Variants in ZNF232 observed in about 807,000 individuals in gnomAD.
The protein encoded by ZNF232 is zinc finger protein 232, also known as zinc finger and SCAN domain-containing protein 11.
A neutral mutation model predicts 25.2 loss-of-function variants in ZNF232; 25 were observed. The observed-to-expected ratio is 0.99, with a 90% CI of 0.72 to 1.39. The LOEUF is 1.39. Ranked by LOEUF, ZNF232 falls within the 40% of genes most tolerant of loss-of-function variation. ZNF232 has a pLI of 0.00. For missense variants in ZNF232, 519 were observed against 520.9 expected, an observed-to-expected ratio of 1.00 and a Z score of 0.04; for synonymous variants, 193 against 182.9, an observed-to-expected ratio of 1.06 and a Z score of -0.45.
intron 1 of ZNF232, chr17:5,111,493 C>T: frequency 2.1e-6 from 1 of 481,978 alleles, no homozygotes; most frequent in Non-Finnish European, 3.7e-6. Context: ...ACCCCGGCCT[C>T]GGGCAGGTGC....
exon 4 of ZNF232, chr17:5,106,380 G>A (rs780024701): frequency 1.2e-6 from 2 of 1,614,246 alleles, no homozygotes; most frequent in South Asian, 2.2e-5. Context: ...GGTACCCTCA[G>A]AGGTAGCTTC....
Position 5,122,765 on chromosome 17 carries a change from C to T in ZNF232, c.-530+212G>A, listed in dbSNP as rs1048108947. On this transcript the variant is annotated intron_variant, in intron 1 of 4. Coordinates refer to the ZNF232 transcript ENST00000250076. ...CCGCAGCGGGTATCCCCAAACTTCC[C>T]ACCTCTCAGGTCCGGTAGGGCGAGG... Among the ~76,000 whole-genome samples, 36 of 152,250 alleles carry T rather than the reference C, an allele frequency of 2.4e-4. 7 individuals carry two copies. Among genetic ancestry groups the T allele is most frequent in the Admixed American group, 1.7e-3 (26 of 15,290 alleles).
chr17:5,120,704 C>CTGGA (rs1376541264), intron 1 of ZNF232: 1 of 422,858 alleles, frequency 2.4e-6, no homozygotes, highest in Non-Finnish European at 4.7e-6. Flanking sequence ...TGAACCTGAG[C>CTGGA]TGGATCCTGA....
At chr17:5,111,936 T>A (rs1271322540), upstream of ZNF232, 3 of 1,461,984 alleles carry the variant, frequency 2.1e-6, no homozygotes, top group African/African-American at 4.3e-5. Context: ...GCCGCCGGCT[T>A]CCGTTCGCGG....
upstream of ZNF232, among the ~76,000 whole-genome samples, chr17:5,115,273 C>T (rs557157443): frequency 3.9e-5 from 6 of 152,056 alleles, no homozygotes; most frequent in African/African-American, 1.2e-4. Context: ...AACAGAGGGC[C>T]GGATGTGGTG....
At chr17:5,112,177 G>T (rs1292859909), upstream of ZNF232, 1 of 367,302 alleles carries the variant, frequency 2.7e-6, no homozygotes, top group Admixed American at 4.4e-5. Flanking sequence ...CCTGAAGGGC[G>T]GTGCTGGCGG....
At chr17:5,106,296 T>G in exon 4 of ZNF232, 1 of 1,614,278 alleles carries the variant, frequency 6.2e-7, no homozygotes, top group African/African-American at 1.3e-5. Flanking sequence ...GACAACCATC[T>G]GCCTGAAACT....
At chr17:5,122,141 TCGG>T (rs2072691735) in intron 1 of ZNF232, among the ~76,000 whole-genome samples, 1 of 147,014 alleles carries the variant, frequency 6.8e-6, no homozygotes, top group Admixed American at 6.8e-5. Flanking sequence ...GGAGGGTGGG[TCGG>T]TGGGGTGGCA....
At chr17:5,112,093 C>T, upstream of ZNF232, 1 of 561,580 alleles carries the variant, frequency 1.8e-6, no homozygotes, top group South Asian at 2.3e-5. Flanking sequence ...AATTGCAGTC[C>T]TTGCGCAGGT....
chr17:5,117,247 G>T (rs2072558298), intron 1 of ZNF232, among the ~76,000 whole-genome samples: 1 of 152,172 alleles, frequency 6.6e-6, no homozygotes, highest in South Asian at 2.1e-4. Flanking sequence ...CCTGGGCGAG[G>T]GGGCTCAAGC....
chr17:5,105,903 T>A, exon 4 of ZNF232: 3 of 1,614,192 alleles, frequency 1.9e-6, no homozygotes, highest in Non-Finnish European at 2.5e-6. Flanking sequence ...TTTCCCACAT[T>A]CTTTACATAT....
At chr17:5,116,939 G>C (rs1407539500) in intron 1 of ZNF232, among the ~76,000 whole-genome samples, 2 of 152,230 alleles carry the variant, frequency 1.3e-5, no homozygotes, top group Non-Finnish European at 2.9e-5. Flanking sequence ...ACAGCTCGTG[G>C]AAAGGCCACA....
chr17:5,122,983 C>A, exon 1 of ZNF232: 1 of 152,930 alleles, frequency 6.5e-6, no homozygotes, highest in South Asian at 1.9e-4. Flanking sequence ...TTACTGCAAT[C>A]GTCCTCTCGT....
chr17:5,108,030 A>G (rs1032130128), intron 3 of ZNF232, among the ~76,000 whole-genome samples: 2 of 152,208 alleles, frequency 1.3e-5, no homozygotes, highest in Admixed American at 1.3e-4. Context: ...GTCTGGAAAA[A>G]AGTCAAGGAA....
chr17:5,109,190 G>A, intron 2 of ZNF232, 138 bp from the exon 3 acceptor site: 7 of 1,333,454 alleles, frequency 5.2e-6, no homozygotes, highest in Non-Finnish European at 7.3e-6. Context: ...CCTCCTCAGA[G>A]TCAGCACAAG....
intron 3 of ZNF232, 106 bp downstream of exon 3, chr17:5,108,820 C>T: frequency 6.5e-7 from 1 of 1,542,044 alleles, no homozygotes; most frequent in Non-Finnish European, 8.8e-7. Context: ...GTGATGATAC[C>T]AAACATTTAA....
chr17:5,107,394 GAAAA>G (rs749338515), intron 3 of ZNF232, among the ~76,000 whole-genome samples: 1 of 60,684 alleles, frequency 1.6e-5, no homozygotes, highest in Non-Finnish European at 2.9e-5. Flanking sequence ...TCTCAAAAAG[GAAAA>G]AAAAAAAAAA....
chr17:5,112,117 T>A (rs2072431114), upstream of ZNF232: 1 of 506,660 alleles, frequency 2.0e-6, no homozygotes, highest in Non-Finnish European at 3.5e-6. Context: ...GAGTGAGCCC[T>A]TGTAAGCGGG....
rs770277710 is a variant in ZNF232, at chr17:5,105,792, G to A, written c.*32C>T. ...TCCTAAAGTAGATTAGACCGATGTA[G>A]AATTCTGTCTGGAGACGTTCTCCCC... is the stretch of plus-strand genomic sequence containing the variant. On this transcript the variant is annotated 3_prime_UTR_variant, in exon 4 of 4. Transcript: ENST00000575898. The A allele has an allele frequency of 7.9e-6, 12 of 1,520,982 alleles. No individual in the cohort carries two copies. The African/African-American group carries it at 1.7e-4, about 21-fold the overall frequency. 94.2% of individuals were successfully genotyped at this position (1,520,982 alleles called of 1,614,324 possible).
Sources: gnomAD v4.1 joint callset for allele counts (sites outside exome capture counted in the v4.1 genomes callset) on GRCh38, gnomAD v4.1.1 for gene constraint, MANE v1.5 for transcripts, NCBI Gene and HGNC (gene_info 2026-07-23, HGNC 2026-07-21) for gene names.